Variants in TRIM24 observed in about 807,000 individuals in gnomAD.
TRIM24 encodes tripartite motif containing 24, also known as transcription intermediary factor 1-alpha.
Under a neutral mutation model 123.9 loss-of-function variants are expected in TRIM24, and 29 were observed. The ratio of observed to expected loss-of-function variants is 0.23; its 90% CI spans 0.17 to 0.32. The LOEUF (loss-of-function observed/expected upper bound fraction) is 0.32, where lower values mean the gene tolerates loss of function less well. Ranked by LOEUF, TRIM24 falls within the 10% of genes least tolerant of loss-of-function variation. The pLI, the probability that TRIM24 is intolerant of heterozygous loss-of-function variation, is 1.00. For missense variants in TRIM24, 932 were observed against 1,295.3 expected, an observed-to-expected ratio of 0.72 and a Z score of 4.31; for synonymous variants, 456 against 461.1, an observed-to-expected ratio of 0.99 and a Z score of 0.14.
chr7:138,496,830 T>C (rs1034986672), intron 1 of TRIM24, among the ~76,000 whole-genome samples: 1 of 152,088 alleles, frequency 6.6e-6, no homozygotes, highest in African/African-American at 2.4e-5. Flanking sequence ...TTTCCAGATA[T>C]ATTGAGATGA....
At chr7:138,579,097 C>G in intron 14 of TRIM24, 107 bp from the exon 15 acceptor site, 1 of 857,364 alleles carries the variant, frequency 1.2e-6, no homozygotes, top group Non-Finnish European at 1.8e-6. Flanking sequence ...CCTGAAGATT[C>G]CTTTGAAGCA....
At chr7:138,539,191 T>A (rs1240391108) in intron 7 of TRIM24, among the ~76,000 whole-genome samples, 2 of 152,106 alleles carry the variant, frequency 1.3e-5, no homozygotes, top group South Asian at 2.1e-4. Context: ...GTACACATGA[T>A]GAAACTAAGG....
chr7:138,524,873 T>A (rs1384093836), intron 4 of TRIM24, among the ~76,000 whole-genome samples: 1 of 152,106 alleles, frequency 6.6e-6, no homozygotes, highest in Non-Finnish European at 1.5e-5. Flanking sequence ...AGTGGTCTTT[T>A]AAAATGTTTA....
At chr7:138,564,553 G>A (rs1006794224) in intron 9 of TRIM24, among the ~76,000 whole-genome samples, 5 of 152,166 alleles carry the variant, frequency 3.3e-5, no homozygotes, top group Admixed American at 6.5e-5. Context: ...CTTTAGGCTC[G>A]GTCTGAGCCA....
chr7:138,543,133 G>C (rs930798475), intron 7 of TRIM24, among the ~76,000 whole-genome samples: 1 of 152,036 alleles, frequency 6.6e-6, no homozygotes, highest in African/African-American at 2.4e-5. Context: ...TTTTCATTGT[G>C]TTCTGATTTT....
intron 7 of TRIM24, among the ~76,000 whole-genome samples, chr7:138,545,060 G>A (rs1367838415): frequency 6.6e-6 from 1 of 152,096 alleles, no homozygotes; most frequent in African/African-American, 2.4e-5. Flanking sequence ...TTGCTTTCAG[G>A]CTATGTGTGT....
chr7:138,582,730 T>A (rs975507252), intron 17 of TRIM24, among the ~76,000 whole-genome samples: 1 of 151,206 alleles, frequency 6.6e-6, no homozygotes, highest in African/African-American at 2.4e-5. Flanking sequence ...AAAAAAAAAA[T>A]TTTTTTTCAT....
intron 11 of TRIM24, 52 bp from the exon 12 acceptor site, chr7:138,573,455 G>T: frequency 2.0e-6 from 3 of 1,465,166 alleles, no homozygotes; most frequent in Non-Finnish European, 2.7e-6. Flanking sequence ...TTTAAAAGTA[G>T]CTTTTAACTT....
At chr7:138,461,199 T>C (rs770273850) in intron 1 of TRIM24, 2 of 673,704 alleles carry the variant, frequency 3.0e-6, no homozygotes, top group South Asian at 2.7e-5. Flanking sequence ...CTCGCACTTT[T>C]GCAGACCTCT....
intron 1 of TRIM24, among the ~76,000 whole-genome samples, chr7:138,500,980 G>A (rs75394029): frequency 6.6e-6 from 1 of 151,340 alleles, no homozygotes; most frequent in African/African-American, 2.4e-5. Context: ...AAAAAAAAAG[G>A]TACACCTGTA....
chr7:138,513,026 AAAT>A (rs1796322732), intron 2 of TRIM24, among the ~76,000 whole-genome samples: 1 of 152,196 alleles, frequency 6.6e-6, no homozygotes, highest in Non-Finnish European at 1.5e-5. Flanking sequence ...CAGATACTCT[AAAT>A]AATCTCTCAG....
At chr7:138,476,870 T>C (rs1331229382) in intron 1 of TRIM24, among the ~76,000 whole-genome samples, 1 of 152,160 alleles carries the variant, frequency 6.6e-6, no homozygotes, top group Non-Finnish European at 1.5e-5. Context: ...GTAGCACTGT[T>C]GATAATAATA....
chr7:138,476,846 A>G (rs1795413860), intron 1 of TRIM24, among the ~76,000 whole-genome samples: 1 of 152,174 alleles, frequency 6.6e-6, no homozygotes, highest in Non-Finnish European at 1.5e-5. Context: ...AGGCGTGCAC[A>G]GTGTTATTTG....
chr7:138,560,509 C>G (rs2116648205), intron 9 of TRIM24, among the ~76,000 whole-genome samples: 1 of 152,286 alleles, frequency 6.6e-6, no homozygotes, highest in South Asian at 2.1e-4. Flanking sequence ...GGTGTGGCTC[C>G]TATTTACTGT....
intron 5 of TRIM24, among the ~76,000 whole-genome samples, chr7:138,528,908 G>T (rs548475003): frequency 3.3e-5 from 5 of 151,224 alleles, no homozygotes; most frequent in African/African-American, 1.2e-4. Context: ...TAAGATTCAA[G>T]ACTTAATTTT....
chr7:138,469,331 ATTT>A (rs1051563303), intron 1 of TRIM24, among the ~76,000 whole-genome samples: 4 of 137,216 alleles, frequency 2.9e-5, no homozygotes, highest in Non-Finnish European at 3.2e-5. Context: ...CCCTTTCTCA[ATTT>A]TTTTTTTTTT....
intron 7 of TRIM24, among the ~76,000 whole-genome samples, chr7:138,543,238 A>G (rs1056356751): frequency 1.3e-5 from 2 of 152,250 alleles, no homozygotes; most frequent in Non-Finnish European, 2.9e-5. Context: ...AGTCATCTAT[A>G]TGATACATAG....
chr7:138,493,734 G>C (rs1261165074), intron 1 of TRIM24, among the ~76,000 whole-genome samples: 1 of 152,056 alleles, frequency 6.6e-6, no homozygotes, highest in South Asian at 2.1e-4. Context: ...TAGCAACAGC[G>C]AGCCATTCTA....
At chr7:138,577,351 G>A (rs1797781800) in intron 13 of TRIM24, 69 bp from the exon 14 acceptor site, 1 of 1,279,948 alleles carries the variant, frequency 7.8e-7, no homozygotes, top group Non-Finnish European at 1.0e-6. Context: ...GAAAGTTGTT[G>A]TTATACTTTT....
Sources: gnomAD v4.1 joint callset for allele counts (sites outside exome capture counted in the v4.1 genomes callset) on GRCh38, gnomAD v4.1.1 for gene constraint, MANE v1.5 for transcripts, NCBI Gene and HGNC (gene_info 2026-07-23, HGNC 2026-07-21) for gene names.